The following IQGAP2 variants were observed in gnomAD, a reference collection of about 807,000 sequenced individuals.
IQGAP2 encodes the protein ras GTPase-activating-like protein IQGAP2.
IQGAP2 carries 173 observed loss-of-function variants against 201.3 expected under a neutral mutation model. The ratio of observed to expected loss-of-function variants is 0.86; its 90% confidence interval spans 0.76 to 0.98. IQGAP2 has a LOEUF of 0.98. Ranked by LOEUF, IQGAP2 falls within the 50% of genes least tolerant of loss-of-function variation. IQGAP2 has a pLI of 0.00. For synonymous variants in IQGAP2, 675 were observed against 673.9 expected (o/e 1.00, Z -0.03); for missense variants, 1,687 against 1,864.8 (o/e 0.90, Z 1.76).
intron 2 of IQGAP2, among the ~76,000 whole-genome samples, chr5:76,509,997 T>G (rs940319666): frequency 6.0e-4 from 91 of 151,286 alleles, no homozygotes; most frequent in African/African-American, 1.8e-3. Context: ...TTTTTTTTTT[T>G]TTTGTTTGTT....
chr5:76,588,614 G>A (rs1746409649), intron 5 of IQGAP2, among the ~76,000 whole-genome samples: 1 of 152,180 alleles, frequency 6.6e-6, no homozygotes, highest in Non-Finnish European at 1.5e-5. Context: ...TGTATTAGCT[G>A]TGTTTCTTGT....
At chr5:76,509,538 C>G (rs1183320400) in intron 2 of IQGAP2, among the ~76,000 whole-genome samples, 1 of 151,962 alleles carries the variant, frequency 6.6e-6, no homozygotes, top group African/African-American at 2.4e-5. Flanking sequence ...ACTACAGGTG[C>G]CTGCCACCAT....
intron 32 of IQGAP2, among the ~76,000 whole-genome samples, chr5:76,696,101 T>C (rs763113307): frequency 5.3e-5 from 8 of 151,992 alleles, no homozygotes; most frequent in Non-Finnish European, 1.0e-4. Flanking sequence ...TCCCAAGCAG[T>C]TGATGACTTT....
chr5:76,677,534 A>G (rs1310635464), intron 28 of IQGAP2, 184 bp downstream of exon 28: 1 of 436,716 alleles, frequency 2.3e-6, no homozygotes, highest in Non-Finnish European at 3.9e-6. Flanking sequence ...CTTCTCCCAA[A>G]CAACAAAATT....
At chr5:76,648,738 A>T (rs951406191) in intron 17 of IQGAP2, among the ~76,000 whole-genome samples, 4 of 152,256 alleles carry the variant, frequency 2.6e-5, no homozygotes, top group African/African-American at 9.6e-5. Context: ...TAACTTTTAG[A>T]ACTGAAAAAT....
intron 11 of IQGAP2, among the ~76,000 whole-genome samples, chr5:76,603,184 G>T (rs777121393): frequency 6.6e-6 from 1 of 152,074 alleles, no homozygotes; most frequent in South Asian, 2.1e-4. Context: ...GTTCCTATGC[G>T]TGGTCCTCTC....
rs1203593455 is a variant in IQGAP2 at position 76,496,749 on chromosome 5, C to CTTTCTTTCTTTCTTTCTTTCT, written c.146+35083_146+35103dup. Reference sequence around the variant, plus strand: ...CTTTTCTTTCTTTCTTTCTTTCTTTCTTTCTTTCTTTCTTTCTTTCTTTCT... The same window carrying CTTTCTTTCTTTCTTTCTTTCT: ...CTTTTCTTTCTTTCTTTCTTTCTTTCTTTCTTTCTTTCTTTCTTTCTTTTCTTTCTTTCTTTCTTTCTTTCT... On this transcript the variant is annotated intron_variant, in intron 2 of 35. Coordinates refer to ENST00000274364, the MANE Select transcript of IQGAP2 (RefSeq NM_006633.5). Among the ~76,000 whole-genome samples the CTTTCTTTCTTTCTTTCTTTCT allele has an allele frequency of 4.3e-3, 262 of 60,474 alleles. 6 individuals are homozygous for CTTTCTTTCTTTCTTTCTTTCT. Among genetic ancestry groups the CTTTCTTTCTTTCTTTCTTTCT allele is most frequent in the Admixed American group, 0.018 (108 of 5,896 alleles). The allele number at this position is 60,474 out of a possible 152,430, so 39.7% of individuals were successfully genotyped here. A position where few individuals can be genotyped will look rare whatever the true frequency, so the allele number is the denominator to read the frequency against.
chr5:76,577,298 A>G (rs1745535477), intron 5 of IQGAP2, among the ~76,000 whole-genome samples: 1 of 152,190 alleles, frequency 6.6e-6, no homozygotes, highest in South Asian at 2.1e-4. Flanking sequence ...TGTATTTGCC[A>G]TGGTTTTAAC....
At position 76,589,723 on chromosome 5, in the gene IQGAP2, C is replaced by T. The variant is rs770505670; in HGVS notation, c.635C>T (p.Ala212Val). Residue 212 changes from alanine (A) to valine (V), a missense_variant, in exon 7 of 36, where the codon GCT becomes GTT. Ala to Val is a moderately conservative substitution (Grantham distance 64). Coordinates refer to ENST00000274364, the MANE Select transcript of IQGAP2 (RefSeq NM_006633.5). ...ILANELSVDE[A>V]ALHAAVIAIN... ...GCCAATGAACTGTCCGTGGATGAAG[C>T]TGCATGTAAGTCCATTCAAAATCCA... 3 of 1,582,486 alleles carry T rather than the reference C, an allele frequency of 1.9e-6. No homozygotes were observed. Among genetic ancestry groups the T allele is most frequent in the Admixed American group, 1.8e-5 (1 of 56,644 alleles).
intron 3 of IQGAP2, among the ~76,000 whole-genome samples, chr5:76,566,262 G>A (rs753053723): frequency 5.9e-5 from 9 of 152,132 alleles, no homozygotes; most frequent in Admixed American, 2.0e-4. Flanking sequence ...AGGAAGACAC[G>A]AAAGCCAGTG....
rs1561611110 is a variant in IQGAP2, at chr5:76,701,053, ATGTTC to A, written c.4368-16_4368-12del. The A allele has an allele frequency of 6.8e-6, 11 of 1,613,182 alleles. No homozygotes were observed. Among genetic ancestry groups the A allele is most frequent in the Non-Finnish European group, 9.3e-6 (11 of 1,179,422 alleles). ...TCTGCATTTGCCATCATAACAACAA[ATGTTC>A]TGTTCTTATTTTGTCAGAAATACTC... On this transcript the variant is annotated intron_variant, in intron 33 of 35. Transcript: ENST00000274364.
chr5:76,580,436 G>GAACAAAACAA (rs368221905), intron 5 of IQGAP2, among the ~76,000 whole-genome samples: 31 of 152,040 alleles, frequency 2.0e-4, no homozygotes, highest in Admixed American at 1.1e-3. Flanking sequence ...CCGTCTCAAA[G>GAACAAAACAA]AACAAAACAA....
chr5:76,600,669 G>A (rs1309343197), intron 10 of IQGAP2, 143 bp from the exon 11 acceptor site: 1 of 838,528 alleles, frequency 1.2e-6, no homozygotes, highest in Non-Finnish European at 1.9e-6. Context: ...CCAGTGGAAA[G>A]CAGGTGGCCA....
chr5:76,703,696 G>A (rs10063832), intron 35 of IQGAP2, among the ~76,000 whole-genome samples: 48,166 of 148,280 alleles, frequency 0.32, 7,924 homozygotes, highest in Non-Finnish European at 0.35. Context: ...ATGTTCATCT[G>A]CCCCCAACTT....
intron 33 of IQGAP2, among the ~76,000 whole-genome samples, chr5:76,700,660 G>A (rs918059322): frequency 3.9e-5 from 6 of 152,134 alleles, no homozygotes; most frequent in Non-Finnish European, 8.8e-5. Context: ...TATTTATAAG[G>A]CACTTAGAAC....
At chr5:76,605,916 G>C (rs773283036) in intron 11 of IQGAP2, among the ~76,000 whole-genome samples, 4 of 152,170 alleles carry the variant, frequency 2.6e-5, no homozygotes, top group Non-Finnish European at 4.4e-5. Context: ...AAAGTTTCCA[G>C]TTTTGCTTGA....
chr5:76,638,423 G>A (rs1186184138), intron 16 of IQGAP2, among the ~76,000 whole-genome samples: 2 of 152,154 alleles, frequency 1.3e-5, no homozygotes. Context: ...AGAATCTCAG[G>A]TTCAGATGCT....
chr5:76,647,210 A>C (rs562692562), intron 17 of IQGAP2, among the ~76,000 whole-genome samples: 32 of 152,290 alleles, frequency 2.1e-4, no homozygotes, highest in African/African-American at 7.5e-4. Context: ...AACAAACATA[A>C]CACTCTTAAA....
At chr5:76,504,593 G>A (rs1019251587) in intron 2 of IQGAP2, among the ~76,000 whole-genome samples, 4 of 152,082 alleles carry the variant, frequency 2.6e-5, no homozygotes, top group African/African-American at 9.7e-5. Context: ...GTGTGTGATT[G>A]CAAACTCAAC....
Sources: allele counts gnomAD v4.1 joint callset (sites outside exome capture counted in the v4.1 genomes callset), GRCh38; gene constraint gnomAD v4.1.1; transcripts MANE v1.5; gene names NCBI Gene and HGNC (gene_info 2026-07-23, HGNC 2026-07-21).